Variants in PSME4 observed in about 807,000 individuals in gnomAD.
PSME4 encodes proteasome activator subunit 4, also known as proteasome activator complex subunit 4.
PSME4 carries 89 observed loss-of-function variants against 253.9 expected under a neutral mutation model. That is an observed-to-expected ratio of 0.35 (90% CI 0.30 to 0.42). The LOEUF (loss-of-function observed/expected upper bound fraction) is 0.42. Among genes scored for constraint, PSME4 ranks in the 10% least tolerant of loss-of-function variants. The pLI is 1.00. For synonymous variants in PSME4, 851 were observed against 759.2 expected, an observed-to-expected ratio of 1.12 and a Z score of -1.99; for missense variants, 2,014 against 2,195.2, an observed-to-expected ratio of 0.92 and a Z score of 1.65.
intron 38 of PSME4, 77 bp downstream of exon 38, chr2:53,888,644 A>T: frequency 1.0e-6 from 1 of 1,003,312 alleles, no homozygotes; most frequent in Non-Finnish European, 1.5e-6. Context: ...ACAAGTATAG[A>T]CCATTCATTT....
At chr2:53,905,905 A>G (rs955558569) in intron 26 of PSME4, among the ~76,000 whole-genome samples, 2 of 152,222 alleles carry the variant, frequency 1.3e-5, no homozygotes. Context: ...CATGTGGATT[A>G]TAAACTTCCT....
At chr2:53,893,640 C>T (rs1309711114) in intron 35 of PSME4, 34 bp downstream of exon 35, 1 of 1,597,936 alleles carries the variant, frequency 6.3e-7, no homozygotes, top group African/African-American at 1.3e-5. Flanking sequence ...AGTTACTAAG[C>T]ATTACAAAGA....
At chr2:53,887,228 A>C (rs1291974806) in intron 40 of PSME4, 31 bp downstream of exon 40, 1 of 1,557,154 alleles carries the variant, frequency 6.4e-7, no homozygotes. Flanking sequence ...AGATGTTTTC[A>C]ACTGAGTTTC....
chr2:53,909,168 T>C (rs1028356986), intron 21 of PSME4, among the ~76,000 whole-genome samples: 9 of 152,266 alleles, frequency 5.9e-5, no homozygotes, highest in African/African-American at 2.2e-4. Context: ...TTGCCAATAT[T>C]TCAAAGGCTC....
At chr2:53,923,913 CAAAAA>C (rs199929436) in intron 14 of PSME4, among the ~76,000 whole-genome samples, 23 of 96,866 alleles carry the variant, frequency 2.4e-4, no homozygotes, top group African/African-American at 7.2e-4. Flanking sequence ...ACAGAGTTAA[CAAAAA>C]AAAAAAAAAA....
Position 53,923,481 on chromosome 2 carries a change from A to G in PSME4, c.1810-62T>C, listed in dbSNP as rs574376752. On this transcript the variant is annotated intron_variant, in intron 14 of 46. Coordinates refer to ENST00000404125, the MANE Select transcript of PSME4 (RefSeq NM_014614.3). ...AAGAAAATTAAACATCTTACAGAAC[A>G]TAAAAGAAAATGATAAATATATTTA... 8.2e-6 allele frequency: 12 copies of G among 1,470,718 alleles called. No homozygotes were observed. The East Asian group carries it at 3.0e-4, about 37-fold the overall frequency. 91.1% of individuals were successfully genotyped at this position (1,470,718 alleles called of 1,614,324 possible).
At chr2:53,867,916 GTCTC>G (rs1454932419) in intron 44 of PSME4, among the ~76,000 whole-genome samples, 1 of 152,002 alleles carries the variant, frequency 6.6e-6, no homozygotes, top group Non-Finnish European at 1.5e-5. Context: ...ATTCTAAAGA[GTCTC>G]TATTCTTTCT....
At chr2:53,888,833 A>C in intron 37 of PSME4, 21 bp from the exon 38 acceptor site, 2 of 1,515,244 alleles carry the variant, frequency 1.3e-6, no homozygotes, top group Non-Finnish European at 1.8e-6. Context: ...AATATGATGT[A>C]ACAGTTCAAC....
intron 26 of PSME4, among the ~76,000 whole-genome samples, chr2:53,904,410 G>A (rs1680554012): frequency 6.6e-6 from 1 of 152,116 alleles, no homozygotes; most frequent in Non-Finnish European, 1.5e-5. Context: ...GAGACTGAAT[G>A]GAACCTATAT....
At position 53,921,107 on chromosome 2, in the gene PSME4, A is replaced by G. The variant is rs746326963; in HGVS notation, c.2047-3T>C. 1 of 1,613,056 alleles carries G rather than the reference A, an allele frequency of 6.2e-7. No homozygotes were observed. Among genetic ancestry groups the G allele is most frequent in the Non-Finnish European group, 8.5e-7 (1 of 1,179,878 alleles). The stretch of plus-strand genomic sequence containing the variant: ...TTCCTTCCATCCACTCGAGTAATCT[A>G]AAAGGAGGGAAAAAATAGTTGAAGA... On this transcript the variant is annotated splice_region_variant and splice_polypyrimidine_tract_variant and intron_variant, in intron 17 of 46. Transcript: ENST00000404125.
intron 21 of PSME4, among the ~76,000 whole-genome samples, chr2:53,909,629 T>A (rs1399641781): frequency 6.6e-6 from 1 of 152,188 alleles, no homozygotes; most frequent in Non-Finnish European, 1.5e-5. Flanking sequence ...TCTTTTCATA[T>A]ATCAAAAAAG....
chr2:53,921,036 G>A lies in PSME4; in HGVS notation c.2115C>T (p.Thr705=), dbSNP rs1347365291. The A allele has an allele frequency of 6.2e-7, 1 of 1,613,904 alleles. No homozygotes were observed. The highest frequency in any genetic ancestry group is 1.3e-5 in the African/African-American group (1 of 74,892). The change falls in exon 18 of 47, where the codon ACC becomes ACT. Residue 705 remains threonine (T), a synonymous_variant. Transcript: ENST00000404125. ...REQLVKILQR[T]LHLTCKQGYT... ...AACCCTGCTTACAGGTTAAATGTAG[G>A]GTTCTTTGGAGAATCTTTACAAGCT... is the stretch of plus-strand genomic sequence containing the variant.
At chr2:53,940,307 T>C (rs374905531) in intron 3 of PSME4, among the ~76,000 whole-genome samples, 17 of 152,254 alleles carry the variant, frequency 1.1e-4, no homozygotes, top group African/African-American at 3.9e-4. Flanking sequence ...ACACACCATA[T>C]TTATCAACAC....
chr2:53,886,109 A>C (rs1448397774), intron 40 of PSME4, among the ~76,000 whole-genome samples: 1 of 152,200 alleles, frequency 6.6e-6, no homozygotes, highest in Admixed American at 6.5e-5. Flanking sequence ...ACAACAAAAC[A>C]ATCTAATTCA....
chr2:53,940,966 T>C lies in PSME4; in HGVS notation c.501-966A>G, dbSNP rs966104967. On this transcript the variant is annotated intron_variant, in intron 3 of 46. Transcript: ENST00000404125. ...ATATATATATACATATATATATATA[T>C]ATATATATATATATATATATATATA... 1.5e-3 allele frequency among the ~76,000 whole-genome samples: 102 copies of C among 67,792 alleles called. 15 individuals carry two copies. Among genetic ancestry groups the C allele is most frequent in the African/African-American group, 2.0e-3 (40 of 19,724 alleles). The allele number at this position is 67,792 out of a possible 152,430, so 44.5% of individuals were successfully genotyped here.
At chr2:53,941,301 T>C (rs1047352397) in intron 3 of PSME4, among the ~76,000 whole-genome samples, 1 of 148,152 alleles carries the variant, frequency 6.7e-6, no homozygotes, top group Non-Finnish European at 1.5e-5. Context: ...ACTTCTAAAA[T>C]AAAAAAGAAA....
At position 53,864,592 on chromosome 2, in the gene PSME4, T is replaced by C. The variant is rs765365793; in HGVS notation, c.*986A>G. 7 of 152,642 alleles carry C rather than the reference T, an allele frequency of 4.6e-5. No homozygotes were observed. The highest frequency in any genetic ancestry group is 6.5e-5 in the Admixed American group (1 of 15,280). 9.5% of individuals were successfully genotyped at this position (152,642 alleles called of 1,614,324 possible). ...TTACACAATGATGTTGTGTAAAAGG[T>C]TGCATCTGTACAATGTCTTGCCAAT... is the stretch of plus-strand genomic sequence containing the variant. On this transcript the variant is annotated 3_prime_UTR_variant, in exon 47 of 47. Transcript: ENST00000404125.
Position 53,890,085 on chromosome 2 carries a change from A to T in PSME4, c.4296+19T>A. On this transcript the variant is annotated intron_variant, in intron 37 of 46. Transcript: ENST00000404125. The stretch of plus-strand genomic sequence containing the variant: ...TTTGAATAGATCAGTTAGACAAAGA[A>T]AGATGTAGGGTAACTTACACAGGAT... 1 of 1,562,448 alleles carries T rather than the reference A, an allele frequency of 6.4e-7. No homozygotes were observed. Among genetic ancestry groups the T allele is most frequent in the Non-Finnish European group, 8.8e-7 (1 of 1,133,478 alleles).
At chr2:53,942,976 A>G (rs533796291) in intron 3 of PSME4, among the ~76,000 whole-genome samples, 2 of 152,356 alleles carry the variant, frequency 1.3e-5, no homozygotes, top group East Asian at 3.9e-4. Flanking sequence ...AGTAAATGTC[A>G]AATACTAACA....
Sources: allele counts gnomAD v4.1 joint callset (sites outside exome capture counted in the v4.1 genomes callset), GRCh38; gene constraint gnomAD v4.1.1; transcripts MANE v1.5; gene names NCBI Gene and HGNC (gene_info 2026-07-23, HGNC 2026-07-21).